Variants in LRMDA observed in about 807,000 individuals in gnomAD.
LRMDA encodes leucine rich melanocyte differentiation associated.
A neutral mutation model predicts 29.8 loss-of-function variants in LRMDA; 18 were observed. The observed-to-expected ratio is 0.60, with a 90% CI of 0.42 to 0.90. The LOEUF (loss-of-function observed/expected upper bound fraction) is 0.90. Among genes scored for constraint, LRMDA ranks in the 40% least tolerant of loss-of-function variants. The probability of loss-of-function intolerance (pLI) is 0.00; values close to 1 mark genes in which losing one functional copy is unlikely to be tolerated. For missense variants in LRMDA, 273 were observed against 273.9 expected (o/e 1.00, Z 0.02); for synonymous variants, 125 against 109.4 (o/e 1.14, Z -0.89).
At chr10:75,557,456 G>T (rs180883591) in intron 2 of LRMDA, among the ~76,000 whole-genome samples, 1 of 152,266 alleles carries the variant, frequency 6.6e-6, no homozygotes, top group African/African-American at 2.4e-5. Context: ...TAAAATGGCT[G>T]TGTAACTGCT....
At chr10:76,519,806 A>G (rs1843100776) in intron 6 of LRMDA, among the ~76,000 whole-genome samples, 1 of 152,008 alleles carries the variant, frequency 6.6e-6, no homozygotes, top group Non-Finnish European at 1.5e-5. Context: ...TGTTATAAAC[A>G]GCTCTTCTTA....
rs898567896 is a variant in LRMDA at position 75,738,900 on chromosome 10, C to T, written c.132-297108C>T. On this transcript the variant is annotated intron_variant, in intron 2 of 6. Coordinates refer to ENST00000611255, the MANE Select transcript of LRMDA (RefSeq NM_001305581.2). The stretch of plus-strand genomic sequence containing the variant: ...AAGGATGGGGCCAGAGTGAGTCAAA[C>T]GCTCTCTTTCTATTTTCTGGTTACA... 5.9e-5 allele frequency among the ~76,000 whole-genome samples: 9 copies of T among 152,112 alleles called. 1 individual carries two copies. In the East Asian group the frequency reaches 9.6e-4, roughly 16 times the overall value.
intron 5 of LRMDA, among the ~76,000 whole-genome samples, chr10:76,219,682 C>T (rs1355290376): frequency 6.6e-6 from 1 of 152,138 alleles, no homozygotes; most frequent in East Asian, 1.9e-4. Flanking sequence ...CTTTAACACC[C>T]CACTGTCAAC....
At chr10:75,495,246 C>T (rs1469539542) in intron 2 of LRMDA, among the ~76,000 whole-genome samples, 1 of 152,058 alleles carries the variant, frequency 6.6e-6, no homozygotes, top group Non-Finnish European at 1.5e-5. Context: ...CTCCTTCTCC[C>T]TCTCTCCCTC....
intron 2 of LRMDA, chr10:75,552,501 A>C (rs1456512179): frequency 2.1e-6 from 1 of 467,778 alleles, no homozygotes; most frequent in Admixed American, 2.2e-5. Context: ...GAGGTGTGCC[A>C]TCCACCCCAT....
At chr10:76,164,958 T>G (rs1454067872) in intron 5 of LRMDA, among the ~76,000 whole-genome samples, 1 of 151,706 alleles carries the variant, frequency 6.6e-6, no homozygotes, top group African/African-American at 2.4e-5. Flanking sequence ...AAAGAGGGTT[T>G]GTTTGTTTAT....
rs529948583 is a variant in LRMDA, at chr10:76,087,819, A to G, written c.516+29036A>G. On this transcript the variant is annotated intron_variant, in intron 5 of 6. Coordinates refer to ENST00000611255, the MANE Select transcript of LRMDA (RefSeq NM_001305581.2). ...ACTTTGATTTCCTCAGTGTTTGAAA[A>G]TATAGCAAGAACTCTTAACTGGCCA... Among the ~76,000 whole-genome samples the G allele has an allele frequency of 1.4e-3, 217 of 152,316 alleles. 3 individuals are homozygous for G. The highest frequency in any genetic ancestry group is 5.6e-3 in the Admixed American group (85 of 15,296).
intron 2 of LRMDA, among the ~76,000 whole-genome samples, chr10:75,636,730 T>C (rs938711899): frequency 2.6e-5 from 4 of 152,230 alleles, no homozygotes; most frequent in African/African-American, 7.2e-5. Flanking sequence ...CCCAGCGTCA[T>C]GAACAGCCTT....
intron 2 of LRMDA, among the ~76,000 whole-genome samples, chr10:75,783,571 G>A (rs2132245147): frequency 6.6e-6 from 1 of 151,340 alleles, no homozygotes; most frequent in East Asian, 2.0e-4. Context: ...TGTAGAAATA[G>A]ACTCAGCTTT....
At chr10:75,714,042 A>G (rs1311339067) in intron 2 of LRMDA, among the ~76,000 whole-genome samples, 2 of 152,150 alleles carry the variant, frequency 1.3e-5, no homozygotes, top group African/African-American at 2.4e-5. Flanking sequence ...CCCTCCAAAC[A>G]AAGACTTGTT....
chr10:76,163,214 A>C (rs926497110), intron 5 of LRMDA, among the ~76,000 whole-genome samples: 2 of 152,086 alleles, frequency 1.3e-5, no homozygotes, highest in Non-Finnish European at 2.9e-5. Flanking sequence ...TTGTTGATGG[A>C]TATTATCATT....
intron 2 of LRMDA, among the ~76,000 whole-genome samples, chr10:75,897,873 A>G (rs2132360903): frequency 8.7e-6 from 1 of 115,266 alleles, no homozygotes; most frequent in Non-Finnish European, 1.6e-5. Flanking sequence ...CCCAGGCTGT[A>G]GTGCAGTGGC....
At chr10:75,715,071 T>C (rs1476599363) in intron 2 of LRMDA, among the ~76,000 whole-genome samples, 1 of 152,146 alleles carries the variant, frequency 6.6e-6, no homozygotes, top group African/African-American at 2.4e-5. Context: ...TCACTACACC[T>C]GTGTTTCACA....
intron 5 of LRMDA, among the ~76,000 whole-genome samples, chr10:76,241,175 G>T (rs1852271499): frequency 6.6e-6 from 1 of 152,108 alleles, no homozygotes; most frequent in Non-Finnish European, 1.5e-5. Context: ...CTTTGCAGGT[G>T]ATGGGTGCAC....
In LRMDA at chr10:76,377,756, T is replaced by C. The variant is rs147815056; in HGVS notation, c.601+53271T>C. Among the ~76,000 whole-genome samples the C allele has an allele frequency of 7.7e-3, 1,168 of 152,344 alleles. 34 individuals carry two copies. In the South Asian group the frequency reaches 0.094, roughly 12 times the overall value. On this transcript the variant is annotated intron_variant, in intron 6 of 6. Transcript: ENST00000611255. ...ATTGATGTGTCTATTTTTATACCAATATCAGACTGTTTTGGTTTCAATTGT... is the reference window on the plus strand; with the variant it reads ...ATTGATGTGTCTATTTTTATACCAACATCAGACTGTTTTGGTTTCAATTGT...
chr10:76,334,742 G>A (rs1022479267), intron 6 of LRMDA, among the ~76,000 whole-genome samples: 1 of 152,142 alleles, frequency 6.6e-6, no homozygotes, highest in Non-Finnish European at 1.5e-5. Context: ...CCCTTGCTCA[G>A]AATTCCATAT....
At chr10:75,697,829 G>A (rs547506071) in intron 2 of LRMDA, among the ~76,000 whole-genome samples, 2 of 147,640 alleles carry the variant, frequency 1.4e-5, no homozygotes, top group South Asian at 4.4e-4. Flanking sequence ...TTATGTGCAT[G>A]TAAGAGTGTG....
intron 2 of LRMDA, among the ~76,000 whole-genome samples, chr10:75,977,007 C>T (rs554017381): frequency 1.3e-5 from 2 of 152,194 alleles, no homozygotes; most frequent in South Asian, 4.2e-4. Context: ...GAGGGCATGG[C>T]ACTGTCTACG....
intron 6 of LRMDA, among the ~76,000 whole-genome samples, chr10:76,447,017 G>T (rs967109660): frequency 2.2e-4 from 34 of 151,362 alleles, no homozygotes; most frequent in Non-Finnish European, 4.0e-4. Flanking sequence ...ATTGTGTTCG[G>T]TATATGTTGG....
Sources: gnomAD v4.1 joint callset for allele counts (sites outside exome capture counted in the v4.1 genomes callset) on GRCh38, gnomAD v4.1.1 for gene constraint, MANE v1.5 for transcripts, NCBI Gene and HGNC (gene_info 2026-07-23, HGNC 2026-07-21) for gene names.